The following EVL variants were observed in gnomAD, a reference collection of about 807,000 sequenced individuals.
EVL encodes the protein Enah/Vasp-like.
In EVL, 21 loss-of-function variants were observed where a neutral mutation model predicts 59.6. That is an observed-to-expected ratio of 0.35 (90% CI 0.25 to 0.51). EVL has a LOEUF of 0.51. Among genes scored for constraint, EVL ranks in the 20% least tolerant of loss-of-function variants. EVL has a pLI of 0.97. For missense variants in EVL, 462 were observed against 546.6 expected, an observed-to-expected ratio of 0.85 and a Z score of 1.54; for synonymous variants, 198 against 203.5, an observed-to-expected ratio of 0.97 and a Z score of 0.23.
intron 3 of EVL, among the ~76,000 whole-genome samples, chr14:100,111,453 G>A (rs767158056): frequency 2.0e-5 from 3 of 152,100 alleles, no homozygotes; most frequent in Non-Finnish European, 4.4e-5. Flanking sequence ...CACCGTGCCC[G>A]GCCAGTTTCC....
chr14:100,102,086 C>G (rs2140328213), intron 3 of EVL, among the ~76,000 whole-genome samples: 1 of 152,340 alleles, frequency 6.6e-6, no homozygotes, highest in Admixed American at 6.5e-5. Flanking sequence ...GATCCGCCCA[C>G]CTCAGCCTCC....
At chr14:100,010,524 T>C (rs1335233058) in intron 1 of EVL, among the ~76,000 whole-genome samples, 2 of 152,194 alleles carry the variant, frequency 1.3e-5, no homozygotes, top group Non-Finnish European at 2.9e-5. Flanking sequence ...GCCTCCCAAG[T>C]AGCTGGGATT....
At position 100,109,331 on chromosome 14, in the gene EVL, C is replaced by A; in HGVS notation, c.358+11673C>A. The A allele has an allele frequency of 2.8e-6, 1 of 354,658 alleles. No individual in the cohort carries two copies. The allele number at this position is 354,658 out of a possible 1,614,324, so 22.0% of individuals were successfully genotyped here. A position where few individuals can be genotyped will look rare whatever the true frequency, so the allele number is the denominator to read the frequency against. On this transcript the variant is annotated intron_variant, in intron 3 of 13. Transcript: ENST00000392920. This position sits in a 1 kb window ranked among gnomAD's most constrained non-coding sequence, Gnocchi z 4.3. ...GGTCACCTTCTGCTCATCCTTTGCC[C>A]TGCTGTTGTGAAGCCTTCCCAGTGC...
chr14:100,132,826 C>A (rs1595244020), intron 8 of EVL, 47 bp downstream of exon 8: 2 of 1,603,504 alleles, frequency 1.2e-6, no homozygotes, highest in East Asian at 4.5e-5. Flanking sequence ...CTGAGATGAG[C>A]GCATCGCCAG....
intron 3 of EVL, chr14:100,107,517 G>A (rs1409192617): frequency 1.5e-5 from 6 of 388,816 alleles, no homozygotes; most frequent in Admixed American, 8.9e-5. Context: ...CCATGGCCAC[G>A]CCCAACGTTC....
intron 2 of EVL, among the ~76,000 whole-genome samples, chr14:100,094,933 C>T (rs189156804): frequency 0.01 from 1,538 of 151,884 alleles, 21 homozygotes; most frequent in African/African-American, 0.035. Context: ...TCCAGCTACT[C>T]TGGAGGCTGA....
At chr14:99,999,190 A>ATATTTAGTT (rs1451015581) in intron 1 of EVL, among the ~76,000 whole-genome samples, 1 of 152,010 alleles carries the variant, frequency 6.6e-6, no homozygotes, top group African/African-American at 2.4e-5. Flanking sequence ...TTGCCAATGG[A>ATATTTAGTT]TATTTAGTTT....
upstream of EVL, among the ~76,000 whole-genome samples, chr14:100,061,944 C>T (rs138589554): frequency 3.3e-3 from 504 of 151,670 alleles, 5 homozygotes; most frequent in African/African-American, 0.012. Context: ...CTTGCTGTCT[C>T]GGGGTGGCAG....
intron 2 of EVL, among the ~76,000 whole-genome samples, chr14:100,086,165 A>G (rs1021817836): frequency 3.3e-5 from 5 of 152,320 alleles, no homozygotes; most frequent in Middle Eastern, 6.8e-3. Flanking sequence ...GGTACCTCCA[A>G]AAGCATCCCT....
chr14:99,997,853 C>A (rs951217130), intron 1 of EVL, among the ~76,000 whole-genome samples: 1 of 152,106 alleles, frequency 6.6e-6, no homozygotes, highest in Admixed American at 6.5e-5. Context: ...AGGGGAAATA[C>A]TCTATACAGT....
At chr14:100,088,153 C>T (rs1260621198) in intron 2 of EVL, among the ~76,000 whole-genome samples, 3 of 152,120 alleles carry the variant, frequency 2.0e-5, no homozygotes, top group Non-Finnish European at 2.9e-5. Flanking sequence ...ACATTGCCAG[C>T]CTGAGAGGTA....
intron 1 of EVL, among the ~76,000 whole-genome samples, chr14:100,078,665 C>T (rs1310959831): frequency 6.6e-6 from 1 of 152,082 alleles, no homozygotes; most frequent in Non-Finnish European, 1.5e-5. Context: ...GAAGTCCAGT[C>T]GTATCAGCTG....
At chr14:100,062,115 G>A (rs1040427769), upstream of EVL, among the ~76,000 whole-genome samples, 5 of 151,534 alleles carry the variant, frequency 3.3e-5, no homozygotes, top group African/African-American at 7.3e-5. Context: ...GCCGGCCTAC[G>A]CAACAGAGTG....
In EVL at chr14:99,975,618, A is replaced by G. The variant is rs569426807; in HGVS notation, c.5+3561A>G. On this transcript the variant is annotated intron_variant, in intron 1 of 13. Coordinates refer to the EVL transcript ENST00000402714. ...AGATCATCAGGGATTAGCTTCTCAT[A>G]AGGAGTGCACAATCTGGATCCCTTG... is the stretch of plus-strand genomic sequence containing the variant. Among the ~76,000 whole-genome samples, 3 of 152,324 alleles carry G rather than the reference A, an allele frequency of 2.0e-5. No homozygotes were observed. The South Asian group carries it at 6.2e-4, about 32-fold the overall frequency.
chr14:99,982,039 G>A (rs1412686107), intron 1 of EVL, among the ~76,000 whole-genome samples: 1 of 152,090 alleles, frequency 6.6e-6, no homozygotes, highest in Non-Finnish European at 1.5e-5. Context: ...AAGAGTGGCC[G>A]GTCCCTTCAT....
intron 1 of EVL, among the ~76,000 whole-genome samples, chr14:100,052,411 G>T (rs548168597): frequency 6.6e-6 from 1 of 151,814 alleles, no homozygotes; most frequent in Admixed American, 6.6e-5. Flanking sequence ...ACATCTTTTC[G>T]CAACCATTTA....
rs1887225350 is a variant in EVL, at chr14:100,114,777, T to G, written c.359-8762T>G. ...CCCTGCTCCTCATGGGCCTCTCCTT[T>G]CACTCCCACCTGCTCCGGGGGTGGG... On this transcript the variant is annotated intron_variant, in intron 3 of 13. Transcript: ENST00000392920. The surrounding 1 kb of genome is among the most constrained non-coding windows in gnomAD (Gnocchi z 5.0). Among the ~76,000 whole-genome samples the G allele has an allele frequency of 6.6e-6, 1 of 152,120 alleles. No homozygotes were observed. Among genetic ancestry groups the G allele is most frequent in the Non-Finnish European group, 1.5e-5 (1 of 68,016 alleles).
chr14:100,070,915 G>A lies in EVL; in HGVS notation c.11+5404G>A, dbSNP rs1051292397. Among the ~76,000 whole-genome samples, 5 of 152,192 alleles carry A rather than the reference G, an allele frequency of 3.3e-5. No individual in the cohort carries two copies. The East Asian group carries it at 5.8e-4, about 18-fold the overall frequency. ...TTTTTGAGGTTTGAGTAGCCTTAAC[G>A]TCCACGTGGCTGTCAGATGGCTCCC... On this transcript the variant is annotated intron_variant, in intron 1 of 13. Transcript: ENST00000392920.
intron 3 of EVL, among the ~76,000 whole-genome samples, chr14:100,116,060 T>A (rs1357463016): frequency 1.3e-5 from 2 of 152,206 alleles, no homozygotes; most frequent in Non-Finnish European, 2.9e-5. Context: ...CAGGTGACGG[T>A]AAAGATAGTG....
Sources: gnomAD v4.1 joint callset for allele counts (sites outside exome capture counted in the v4.1 genomes callset) on GRCh38, gnomAD v4.1.1 for gene constraint, Gnocchi (gnomAD v3.1) non-coding constraint, MANE v1.5 for transcripts, NCBI Gene and HGNC (gene_info 2026-07-23, HGNC 2026-07-21) for gene names.